C1orf87: variants seen among roughly 807,000 people sequenced by gnomAD.
C1orf87 encodes the protein uncharacterized protein C1orf87.
Under a neutral mutation model 60.5 loss-of-function variants are expected in C1orf87, and 58 were observed. That is an observed-to-expected ratio of 0.96 (90% CI 0.78 to 1.19). The LOEUF is 1.19. C1orf87 is among the 50% of genes most tolerant of loss of function. The pLI is 0.00. For synonymous variants in C1orf87, 236 were observed against 227.4 expected (o/e 1.04, Z -0.34); for missense variants, 673 against 638.6 (o/e 1.05, Z -0.58).
At chr1:59,991,968 C>T (rs991674992) in intron 11 of C1orf87, among the ~76,000 whole-genome samples, 8 of 151,970 alleles carry the variant, frequency 5.3e-5, no homozygotes, top group African/African-American at 1.9e-4. Flanking sequence ...TTCTCTGTCC[C>T]GTGGGGGAGA....
chr1:59,992,224 CTATTTATTTATTTATTTATT>C (rs71582609), intron 11 of C1orf87, among the ~76,000 whole-genome samples: 2 of 143,550 alleles, frequency 1.4e-5, no homozygotes, highest in South Asian at 2.3e-4. Context: ...AAGTAGGGGT[CTATTTATTTATTTATTTATT>C]TATTTATTTA....
chr1:60,035,338 G>A (rs1051428264), intron 6 of C1orf87, among the ~76,000 whole-genome samples: 2 of 152,202 alleles, frequency 1.3e-5, no homozygotes, highest in Non-Finnish European at 2.9e-5. Context: ...TGGATGGGCA[G>A]GTGTTGTATG....
chr1:60,054,751 G>C (rs970542229), intron 3 of C1orf87, among the ~76,000 whole-genome samples: 6 of 152,208 alleles, frequency 3.9e-5, no homozygotes, highest in Non-Finnish European at 7.3e-5. Context: ...ACAGAGTGCA[G>C]TGGTATATAT....
Position 60,055,335 on chromosome 1 carries a change from A to G in C1orf87, c.211T>C (p.Phe71Leu), listed in dbSNP as rs1163555769. The G allele has an allele frequency of 6.2e-7, 1 of 1,613,980 alleles. No homozygotes were observed. The highest frequency in any genetic ancestry group is 8.5e-7 in the Non-Finnish European group (1 of 1,180,014). ...MSRDTPVPIN[F>L]TDQQTTDNPD... is the part of the protein sequence containing the mutation. ...TTATCAGTGGTTTGCTGATCAGTGA[A>G]GTTAATGGGAACTGGGGTGTCTCTG... Residue 71 changes from phenylalanine (F) to leucine (L), a missense_variant, in exon 3 of 12, where the codon TTC becomes CTC. Phe to Leu is a conservative substitution (Grantham distance 22, BLOSUM62 0). Coordinates refer to ENST00000371201, the MANE Select transcript of C1orf87 (RefSeq NM_152377.3).
intron 3 of C1orf87, among the ~76,000 whole-genome samples, chr1:60,052,261 G>A (rs890553091): frequency 2.6e-5 from 4 of 152,192 alleles, no homozygotes; most frequent in African/African-American, 9.6e-5. Flanking sequence ...TGAGTTTGTT[G>A]CTAGTCACAC....
At chr1:60,019,153 C>T (rs907418397) in intron 8 of C1orf87, among the ~76,000 whole-genome samples, 2 of 152,130 alleles carry the variant, frequency 1.3e-5, no homozygotes, top group Non-Finnish European at 2.9e-5. Context: ...GAAGGAGGGG[C>T]CTGGTGGCAG....
chr1:60,057,023 A>T (rs1645462132), intron 2 of C1orf87, among the ~76,000 whole-genome samples: 1 of 152,214 alleles, frequency 6.6e-6, no homozygotes, highest in African/African-American at 2.4e-5. Flanking sequence ...TGGTGGTAGC[A>T]CAAGAAGAAA....
intron 5 of C1orf87, among the ~76,000 whole-genome samples, chr1:60,038,435 CA>C (rs1170546502): frequency 2.6e-5 from 4 of 152,020 alleles, no homozygotes; most frequent in Non-Finnish European, 5.9e-5. Flanking sequence ...CTATCCTGTC[CA>C]AAAATATCCT....
In C1orf87 at chr1:60,006,685, A is replaced by G. The variant is rs149486265; in HGVS notation, c.1192+3707T>C. Reference sequence around the variant, plus strand: ...TCATACTTCATTTTTGTGAAATACTATTTTAGACTTTAGACCTTACCATGT... The same window carrying G: ...TCATACTTCATTTTTGTGAAATACTGTTTTAGACTTTAGACCTTACCATGT... On this transcript the variant is annotated intron_variant, in intron 9 of 11. Transcript: ENST00000371201. Among the ~76,000 whole-genome samples the G allele has an allele frequency of 8.3e-3, 1,270 of 152,104 alleles. 26 individuals carry two copies. The highest frequency in any genetic ancestry group is 0.029 in the African/African-American group (1,204 of 41,512).
intron 10 of C1orf87, among the ~76,000 whole-genome samples, chr1:59,999,008 C>A (rs1644982812): frequency 6.6e-6 from 1 of 152,044 alleles, no homozygotes. Flanking sequence ...TAAAATTATG[C>A]CTCTAACTTT....
At chr1:60,013,402 A>C (rs568101725) in intron 8 of C1orf87, among the ~76,000 whole-genome samples, 1 of 151,968 alleles carries the variant, frequency 6.6e-6, no homozygotes, top group Non-Finnish European at 1.5e-5. Flanking sequence ...CTGCTATGAA[A>C]GTTTTAGTTT....
chr1:60,040,961 A>G (rs184376912), intron 4 of C1orf87, 30 bp downstream of exon 4: 2 of 1,565,004 alleles, frequency 1.3e-6, no homozygotes, highest in East Asian at 4.6e-5. Context: ...TCTACAATAG[A>G]CACAACTCAA....
Position 60,010,583 on chromosome 1 carries a change from CA to C in C1orf87, c.1128-128del. The C allele has an allele frequency of 5.2e-6, 4 of 776,626 alleles. No homozygotes were observed. In the East Asian group the frequency reaches 7.9e-5, roughly 15 times the overall value. 48.1% of individuals were successfully genotyped at this position (776,626 alleles called of 1,614,324 possible). A position where few individuals can be genotyped will look rare whatever the true frequency, so the allele number is the denominator to read the frequency against. ...TTTGATACTTCTATCATTTAAGGTC[CA>C]ATGCAGGAAACAGAAACTACTTTGT... On this transcript the variant is annotated intron_variant, in intron 8 of 11. Transcript: ENST00000371201.
chr1:59,993,852 G>C (rs36059758), intron 11 of C1orf87, among the ~76,000 whole-genome samples: 18,605 of 149,238 alleles, frequency 0.12, 1,488 homozygotes, highest in Admixed American at 0.19. Flanking sequence ...TCCACTTCCT[G>C]GGTTCAAGTG....
chr1:60,015,064 T>G (rs1289466451), intron 8 of C1orf87, among the ~76,000 whole-genome samples: 1 of 152,136 alleles, frequency 6.6e-6, no homozygotes, highest in Non-Finnish European at 1.5e-5. Context: ...CCTTTAGCCT[T>G]TAGGGACTAT....
At chr1:60,005,313 C>T (rs35260675) in intron 9 of C1orf87, among the ~76,000 whole-genome samples, 22,120 of 152,030 alleles carry the variant, frequency 0.15, 1,729 homozygotes, top group Admixed American at 0.2. Context: ...ATGTAACAAA[C>T]ATTTAAGTGC....
intron 3 of C1orf87, among the ~76,000 whole-genome samples, chr1:60,052,992 C>T (rs1450946081): frequency 6.6e-6 from 1 of 152,180 alleles, no homozygotes; most frequent in Non-Finnish European, 1.5e-5. Flanking sequence ...CCACTAGAAA[C>T]CCTGTTGAGT....
intron 9 of C1orf87, among the ~76,000 whole-genome samples, chr1:60,007,915 A>G (rs941519575): frequency 1.3e-5 from 2 of 151,908 alleles, no homozygotes; most frequent in African/African-American, 4.8e-5. Context: ...GAGAAAATTC[A>G]CAGTTCTACA....
chr1:60,057,462 T>C (rs1326664874), intron 2 of C1orf87, among the ~76,000 whole-genome samples: 1 of 152,210 alleles, frequency 6.6e-6, no homozygotes, highest in African/African-American at 2.4e-5. Context: ...TTTGTTATCA[T>C]GTTCAAAGAT....
Sources: gnomAD v4.1 joint callset for allele counts (sites outside exome capture counted in the v4.1 genomes callset) on GRCh38, gnomAD v4.1.1 for gene constraint, MANE v1.5 for transcripts, NCBI Gene and HGNC (gene_info 2026-07-23, HGNC 2026-07-21) for gene names.